Variants in CIB1 observed in about 807,000 individuals in gnomAD.
CIB1 encodes calcium and integrin-binding protein 1.
In CIB1, 19 loss-of-function variants were observed where a neutral mutation model predicts 25.0. That is an observed-to-expected ratio of 0.76 (90% CI 0.53 to 1.12). CIB1 has a LOEUF of 1.12. Ranked by LOEUF, CIB1 falls within the 50% of genes most tolerant of loss-of-function variation. The pLI is 0.00. For missense variants in CIB1, 236 were observed against 242.6 expected, an observed-to-expected ratio of 0.97 and a Z score of 0.18; for synonymous variants, 104 against 98.5, an observed-to-expected ratio of 1.06 and a Z score of -0.33.
At chr15:90,240,822 A>AT in the CIB1 span, 89 of 954,092 alleles carry the variant, frequency 9.3e-5, no homozygotes, top group African/African-American at 1.4e-3. Context: ...TCAAAAAAAA[A>AT]AATAAATAAA....
the CIB1 span, among the ~76,000 whole-genome samples, chr15:90,251,120 T>C: frequency 7.4e-6 from 1 of 135,142 alleles, no homozygotes; most frequent in Non-Finnish European, 1.6e-5. Context: ...CTGTCTTTTT[T>C]TTTTTTTTTT....
the CIB1 span, chr15:90,253,192 T>C: frequency 6.8e-7 from 1 of 1,460,550 alleles, no homozygotes; most frequent in African/African-American, 1.4e-5. Flanking sequence ...AGCTACACAG[T>C]TCCAGGGCTT....
chr15:90,232,316 C>G lies in CIB1; in HGVS notation c.98G>C (p.Arg33Pro). The G allele has an allele frequency of 6.2e-7, 1 of 1,608,026 alleles. No homozygotes were observed. Among genetic ancestry groups the G allele is most frequent in the South Asian group, 1.1e-5 (1 of 90,330 alleles). ...TKQEILLAHR[R>P]FCELLPQEQR... Reference sequence around the variant, plus strand: ...CTCCTGGGGAAGCAGCTCACAAAACCGCCTGTGGGCTCTGGTAGAGAGAGG... The same window carrying G: ...CTCCTGGGGAAGCAGCTCACAAAACGGCCTGTGGGCTCTGGTAGAGAGAGG... Residue 33 changes from arginine (R) to proline (P), a missense_variant, in exon 3 of 7, where the codon CGG (arginine) becomes CCG (proline). Coordinates refer to ENST00000328649, the MANE Select transcript of CIB1 (RefSeq NM_006384.4).
chr15:90,233,586 C>T (rs991880177), intron 2 of CIB1, 83 bp downstream of exon 2: 4 of 1,512,056 alleles, frequency 2.6e-6, no homozygotes, highest in Non-Finnish European at 3.6e-6. Context: ...CAGGCCAGCC[C>T]CCGCCCCTCC....
At chr15:90,254,728 C>T in the CIB1 span, among the ~76,000 whole-genome samples, 1 of 152,098 alleles carries the variant, frequency 6.6e-6, no homozygotes, top group East Asian at 1.9e-4. Flanking sequence ...ATGCTTTAGT[C>T]CCAGCCACTT....
At chr15:90,231,561 T>C in intron 3 of CIB1, 54 bp from the exon 4 acceptor site, 3 of 1,584,838 alleles carry the variant, frequency 1.9e-6, no homozygotes, top group Non-Finnish European at 2.6e-6. Context: ...CATTAAAGCC[T>C]ACCAGAAACT....
At chr15:90,255,881 G>T in the CIB1 span, 44 of 1,613,994 alleles carry the variant, frequency 2.7e-5, no homozygotes, top group Admixed American at 6.2e-4. Context: ...GTGCCTCCCC[G>T]CAGAGTGAGT....
At chr15:90,258,755 C>T in the CIB1 span, 1 of 1,613,980 alleles carries the variant, frequency 6.2e-7, no homozygotes, top group African/African-American at 1.3e-5. Flanking sequence ...AAACCACTCT[C>T]CAAGCTTTAC....
At chr15:90,251,483 G>A in the CIB1 span, 387 of 1,417,090 alleles carry the variant, frequency 2.7e-4, no homozygotes, top group African/African-American at 4.6e-3. Flanking sequence ...TGAATTTGTT[G>A]GATGTCTTTT....
upstream of CIB1, among the ~76,000 whole-genome samples, chr15:90,234,948 G>A (rs1379708851): frequency 6.6e-6 from 1 of 152,126 alleles, no homozygotes; most frequent in African/African-American, 2.4e-5. Context: ...GGTCAGGCTG[G>A]GATTAATTCT....
intron 6 of CIB1, 151 bp downstream of exon 6, chr15:90,230,783 C>G: frequency 1.3e-6 from 1 of 769,396 alleles, no homozygotes; most frequent in Non-Finnish European, 2.2e-6. Flanking sequence ...CTGCCCCTGC[C>G]CGGGGCGAGA....
the CIB1 span, chr15:90,257,745 C>T: frequency 6.2e-7 from 1 of 1,606,652 alleles, no homozygotes; most frequent in African/African-American, 1.3e-5. Context: ...CTGTTTTCTC[C>T]TGCTTCCTCT....
the CIB1 span, among the ~76,000 whole-genome samples, chr15:90,264,380 C>T: frequency 2.6e-5 from 4 of 152,062 alleles, no homozygotes; most frequent in Non-Finnish European, 5.9e-5. Context: ...TTGTTTTTGC[C>T]ACGTAGCCCA....
the CIB1 span, chr15:90,265,668 C>T: frequency 2.5e-6 from 4 of 1,606,438 alleles, no homozygotes; most frequent in Non-Finnish European, 3.4e-6. Context: ...CGGCTACTTC[C>T]GCTGCTGTTT....
Position 90,230,421 on chromosome 15 carries a change from G to A in CIB1, c.*63C>T, listed in dbSNP as rs190669499. The A allele has an allele frequency of 6.5e-7, 1 of 1,539,016 alleles. No homozygotes were observed. The highest frequency in any genetic ancestry group is 2.5e-5 in the East Asian group (1 of 40,738). On this transcript the variant is annotated 3_prime_UTR_variant, in exon 7 of 7. Coordinates refer to ENST00000328649, the MANE Select transcript of CIB1 (RefSeq NM_006384.4). ...GCACTGGCAACACAGGCTTGACCTTGGCCACAGCTCAGCAGTAGAAAGGTT... is the reference window on the plus strand; with the variant it reads ...GCACTGGCAACACAGGCTTGACCTTAGCCACAGCTCAGCAGTAGAAAGGTT...
At chr15:90,257,664 T>C in the CIB1 span, 1 of 1,614,196 alleles carries the variant, frequency 6.2e-7, no homozygotes, top group Non-Finnish European at 8.5e-7. Context: ...CCTGACCAAC[T>C]ATGCTATCAA....
chr15:90,253,136 C>A, the CIB1 span: 3 of 670,490 alleles, frequency 4.5e-6, no homozygotes, highest in Non-Finnish European at 2.5e-6. Context: ...AGAACTACCT[C>A]CCTCTTCAAC....
At chr15:90,261,630 A>C in the CIB1 span, among the ~76,000 whole-genome samples, 17 of 151,964 alleles carry the variant, frequency 1.1e-4, 1 homozygote, top group East Asian at 2.9e-3. Flanking sequence ...AAATACAAAA[A>C]TTGGCCAGGC....
At chr15:90,254,561 C>T in the CIB1 span, among the ~76,000 whole-genome samples, 1 of 136,340 alleles carries the variant, frequency 7.3e-6, no homozygotes, top group Non-Finnish European at 1.6e-5. Flanking sequence ...AGGCTGGGCA[C>T]GGTGGACGGT....
Sources: gnomAD v4.1 joint callset for allele counts (sites outside exome capture counted in the v4.1 genomes callset) on GRCh38, gnomAD v4.1.1 for gene constraint, MANE v1.5 for transcripts, NCBI Gene and HGNC (gene_info 2026-07-23, HGNC 2026-07-21) for gene names.